The following UGGT2 variants were observed in gnomAD, a reference collection of about 807,000 sequenced individuals.
UGGT2 encodes UDP-glucose glycoprotein glucosyltransferase 2.
Under a neutral mutation model 192.1 loss-of-function variants are expected in UGGT2, and 180 were observed. The ratio of observed to expected loss-of-function variants is 0.94; its 90% confidence interval spans 0.83 to 1.06. UGGT2 has a LOEUF of 1.06. Ranked by LOEUF, UGGT2 falls within the 50% of genes least tolerant of loss-of-function variation. The probability of loss-of-function intolerance (pLI) is 0.00; values close to 1 mark genes in which losing one functional copy is unlikely to be tolerated. For missense variants in UGGT2, 1,849 were observed against 1,795.7 expected (o/e 1.03, Z -0.54); for synonymous variants, 580 against 591.0 (o/e 0.98, Z 0.27).
At chr13:95,930,802 C>G (rs368309971) in intron 17 of UGGT2, among the ~76,000 whole-genome samples, 4 of 152,172 alleles carry the variant, frequency 2.6e-5, no homozygotes, top group Admixed American at 2.6e-4. Flanking sequence ...TTTGTTCCTT[C>G]TGATGTTCAG....
chr13:95,836,275 C>T (rs1021821203), intron 37 of UGGT2, among the ~76,000 whole-genome samples: 4 of 152,160 alleles, frequency 2.6e-5, no homozygotes, highest in Admixed American at 6.5e-5. Context: ...GTCTCGAAGT[C>T]CTGACCTGAG....
At chr13:95,839,861 T>C (rs959159831) in intron 36 of UGGT2, among the ~76,000 whole-genome samples, 5 of 152,226 alleles carry the variant, frequency 3.3e-5, no homozygotes, top group African/African-American at 1.2e-4. Flanking sequence ...CATTGTGGTT[T>C]TGATTTGCTA....
chr13:95,984,081 G>T (rs906161451), intron 9 of UGGT2, among the ~76,000 whole-genome samples: 1 of 152,140 alleles, frequency 6.6e-6, no homozygotes, highest in African/African-American at 2.4e-5. Flanking sequence ...ATGTGTACTA[G>T]CTGTATGCAG....
In UGGT2 at chr13:95,917,021, A is replaced by T. The variant is rs536795012; in HGVS notation, c.2295+8659T>A. ...TTCCCCAATCTAGCAGGAAAAGACA[A>T]CATTTAAATTCAGGAAATGTGGAGA... On this transcript the variant is annotated intron_variant, in intron 20 of 38. Coordinates refer to ENST00000376747, the MANE Select transcript of UGGT2 (RefSeq NM_020121.4). Among the ~76,000 whole-genome samples the T allele has an allele frequency of 3.3e-5, 5 of 152,276 alleles. No homozygotes were observed. In the South Asian group the frequency reaches 1.0e-3, roughly 32 times the overall value.
chr13:95,931,747 G>A (rs2049281959), intron 17 of UGGT2, among the ~76,000 whole-genome samples: 1 of 152,148 alleles, frequency 6.6e-6, no homozygotes, highest in African/African-American at 2.4e-5. Context: ...GGCCTGCTGA[G>A]CCCACGCCCA....
chr13:95,847,327 C>G (rs1377324313), intron 36 of UGGT2, among the ~76,000 whole-genome samples: 2 of 152,114 alleles, frequency 1.3e-5, no homozygotes, highest in African/African-American at 2.4e-5. Context: ...TCAAAGTCTA[C>G]AGTTTACATT....
intron 11 of UGGT2, among the ~76,000 whole-genome samples, chr13:95,971,178 G>A (rs2140785027): frequency 6.6e-6 from 1 of 152,278 alleles, no homozygotes; most frequent in Middle Eastern, 3.4e-3. Flanking sequence ...GATAGGAAGG[G>A]AGCACAAAAT....
rs905568375 is a variant in UGGT2, at chr13:95,900,870, C to A, written c.2571G>T (p.Gln857His). ...ATTTAAGTACATCTTGACAGAACAA[C>A]TGGTGAGTTCGAAAAATATTCACTC... Reference protein sequence around the residue: ...TVGVNIFRTHQLFCQDVLKLR... With the variant: ...TVGVNIFRTHHLFCQDVLKLR... The change falls in exon 22 of 39, where the codon CAG becomes CAT. Residue 857 changes from glutamine (Q) to histidine (H), a missense_variant. By Grantham distance (24) the Gln-to-His change is conservative. Transcript: ENST00000376747. The A allele has an allele frequency of 6.2e-7, 1 of 1,611,574 alleles. No homozygotes were observed. Among genetic ancestry groups the A allele is most frequent in the African/African-American group, 1.3e-5 (1 of 74,846 alleles).
chr13:96,022,015 T>C (rs2052529034), intron 4 of UGGT2, among the ~76,000 whole-genome samples: 1 of 152,080 alleles, frequency 6.6e-6, no homozygotes, highest in South Asian at 2.1e-4. Context: ...AGCTAAGGCA[T>C]TCTGGAGGAA....
chr13:95,933,098 G>T (rs898010752), intron 17 of UGGT2, among the ~76,000 whole-genome samples: 2 of 152,160 alleles, frequency 1.3e-5, no homozygotes, highest in Non-Finnish European at 2.9e-5. Context: ...TTTGCAGAAT[G>T]AGTTAGGGAG....
At chr13:95,972,758 C>A in intron 10 of UGGT2, 87 bp from the exon 11 acceptor site, 1 of 997,612 alleles carries the variant, frequency 1.0e-6, no homozygotes, top group Non-Finnish European at 1.5e-6. Flanking sequence ...TATAAAGAGT[C>A]AGAGAGTAAA....
At chr13:95,927,381 T>C (rs780658680) in intron 17 of UGGT2, 45 bp from the exon 18 acceptor site, 2 of 1,510,500 alleles carry the variant, frequency 1.3e-6, no homozygotes, top group Admixed American at 2.2e-5. Context: ...GCAATTTATA[T>C]CCATGTTTCA....
intron 5 of UGGT2, among the ~76,000 whole-genome samples, chr13:96,006,812 T>C (rs774358858): frequency 6.6e-6 from 1 of 152,028 alleles, no homozygotes; most frequent in African/African-American, 2.4e-5. Context: ...GGAAACATCA[T>C]GAGTGTCTAA....
chr13:95,897,307 A>G (rs895016458), intron 22 of UGGT2, among the ~76,000 whole-genome samples: 4 of 152,014 alleles, frequency 2.6e-5, no homozygotes, highest in African/African-American at 9.7e-5. Context: ...ATAAAACAAA[A>G]AAAAGACCCT....
intron 22 of UGGT2, among the ~76,000 whole-genome samples, chr13:95,899,935 A>C (rs534310411): frequency 2.0e-5 from 3 of 152,300 alleles, no homozygotes; most frequent in African/African-American, 7.2e-5. Context: ...TTAAGAGTGC[A>C]TTAGAACTTT....
rs560092332 is a variant in UGGT2 at position 95,896,704 on chromosome 13, C to T, written c.2635-1400G>A. Among the ~76,000 whole-genome samples, 124 of 152,180 alleles carry T rather than the reference C, an allele frequency of 8.1e-4. 1 individual carries two copies. The highest frequency in any genetic ancestry group is 1.5e-3 in the Non-Finnish European group (103 of 67,944). ...AAGCACAGCATCAAACAGGAGAAAC[C>T]TAATGTTTCTGTGTCTTGGTTCTAT... On this transcript the variant is annotated intron_variant, in intron 22 of 38. Coordinates refer to ENST00000376747, the MANE Select transcript of UGGT2 (RefSeq NM_020121.4).
intron 26 of UGGT2, 66 bp downstream of exon 26, chr13:95,887,823 CAAT>C: frequency 1.0e-6 from 1 of 969,554 alleles, no homozygotes; most frequent in Non-Finnish European, 1.6e-6. Flanking sequence ...GGTCCAGTAA[CAAT>C]GATTGTTTTT....
chr13:95,833,038 T>C lies in UGGT2; in HGVS notation c.4417A>G (p.Thr1473Ala), dbSNP rs1886894671. The change falls in exon 38 of 39, where the codon ACA (threonine) becomes GCA (alanine). Residue 1473 changes from threonine to alanine, a missense_variant. By Grantham distance (58) the Thr-to-Ala change is moderately conservative (BLOSUM62 0). Coordinates refer to ENST00000376747, the MANE Select transcript of UGGT2 (RefSeq NM_020121.4). ...GCAGCTTTTAGTTTGGATTCTTTTG[T>C]TTTGGGATTATTGCACTAAAAGTTT... The part of the protein sequence containing the change: ...KTIDLCNNPK[T>A]KESKLKAAAR... The C allele has an allele frequency of 6.2e-7, 1 of 1,612,150 alleles. No individual in the cohort carries two copies. The highest frequency in any genetic ancestry group is 8.5e-7 in the Non-Finnish European group (1 of 1,178,788).
chr13:95,916,397 G>A (rs1190396587), intron 20 of UGGT2, among the ~76,000 whole-genome samples: 2 of 152,064 alleles, frequency 1.3e-5, no homozygotes, highest in Admixed American at 1.3e-4. Flanking sequence ...CCATTCAAAG[G>A]TCAGCAATCT....
Sources: allele counts gnomAD v4.1 joint callset (sites outside exome capture counted in the v4.1 genomes callset), GRCh38; gene constraint gnomAD v4.1.1; transcripts MANE v1.5; gene names NCBI Gene and HGNC (gene_info 2026-07-23, HGNC 2026-07-21).